The following ARID2 variants were observed in gnomAD, a reference collection of about 807,000 sequenced individuals.
The protein encoded by ARID2 is AT-rich interaction domain 2.
In ARID2, 32 loss-of-function variants were observed where a neutral mutation model predicts 184.6. The observed-to-expected ratio is 0.17, with a 90% CI of 0.13 to 0.23. The LOEUF (loss-of-function observed/expected upper bound fraction) is 0.23, where lower values mean the gene tolerates loss of function less well. ARID2 is among the 10% of genes least tolerant of loss of function. The probability of loss-of-function intolerance (pLI) is 1.00; values close to 1 mark genes in which losing one functional copy is unlikely to be tolerated. For missense variants in ARID2, 1,696 were observed against 2,197.6 expected, an observed-to-expected ratio of 0.77 and a Z score of 4.56; for synonymous variants, 836 against 772.6, an observed-to-expected ratio of 1.08 and a Z score of -1.36.
chr12:45,729,995 C>A lies in ARID2; in HGVS notation c.93-49C>A, dbSNP rs563971615. 33 of 1,607,648 alleles carry A rather than the reference C, an allele frequency of 2.1e-5. No individual in the cohort carries two copies. The African/African-American group carries it at 3.6e-4, about 18-fold the overall frequency. On this transcript the variant is annotated intron_variant, in intron 1 of 20. Coordinates refer to ENST00000334344, the MANE Select transcript of ARID2 (RefSeq NM_152641.4). ...GCGAACGGGGCTCTCCCGCCCGGGC[C>A]GGGCACGGGGTCCCGGCTGACAAGT...
At chr12:45,747,385 C>A (rs979184061) in intron 3 of ARID2, among the ~76,000 whole-genome samples, 3 of 151,980 alleles carry the variant, frequency 2.0e-5, no homozygotes, top group Admixed American at 6.6e-5. Context: ...CCTGTAAGTA[C>A]CATTGCTAGT....
Position 45,821,411 on chromosome 12 carries a change from G to T in ARID2, c.638-9G>T. The T allele has an allele frequency of 6.7e-7, 1 of 1,484,718 alleles. No homozygotes were observed. The allele number at this position is 1,484,718 out of a possible 1,614,324, so 92.0% of individuals were successfully genotyped here. A position where few individuals can be genotyped will look rare whatever the true frequency, so the allele number is the denominator to read the frequency against. On this transcript the variant is annotated splice_polypyrimidine_tract_variant and intron_variant, in intron 5 of 20. Transcript: ENST00000334344. ...TATTGAATGTACTATTTATTTATTTGTTTTTTAGCTTTAGGATCCTTTTCC... is the reference window on the plus strand; with the variant it reads ...TATTGAATGTACTATTTATTTATTTTTTTTTTAGCTTTAGGATCCTTTTCC...
rs141249574 is a variant in ARID2, at chr12:45,879,986, AGT to A, written c.4923-11791_4923-11790del. On this transcript the variant is annotated intron_variant, in intron 16 of 20. Transcript: ENST00000334344. ...TTAGGACTTTATTTTTCTAGGCTAC[AGT>A]GTTCTTTGAATAAGTGGTGTCAGGC... is the stretch of plus-strand genomic sequence containing the variant. 1.2e-3 allele frequency among the ~76,000 whole-genome samples: 180 copies of A among 152,276 alleles called. 2 individuals carry two copies. The East Asian group carries it at 0.029, about 25-fold the overall frequency.
chr12:45,841,902 T>TA (rs1482950333), intron 11 of ARID2: 2 of 152,182 alleles, frequency 1.3e-5, no homozygotes, highest in Non-Finnish European at 2.9e-5. Context: ...ACTTTTTAGT[T>TA]ACAAAATAGA....
chr12:45,903,061 T>A (rs1182723497), intron 20 of ARID2, among the ~76,000 whole-genome samples: 1 of 152,180 alleles, frequency 6.6e-6, no homozygotes, highest in Non-Finnish European at 1.5e-5. Context: ...TACTCCATCC[T>A]CCTCTCTATA....
chr12:45,894,782 T>G (rs1944348110), intron 20 of ARID2, among the ~76,000 whole-genome samples: 1 of 151,692 alleles, frequency 6.6e-6, no homozygotes, highest in Admixed American at 6.6e-5. Context: ...AATACCAGTA[T>G]CTTCATGATT....
At chr12:45,830,856 G>A (rs1019111701) in intron 6 of ARID2, among the ~76,000 whole-genome samples, 2 of 152,008 alleles carry the variant, frequency 1.3e-5, no homozygotes, top group African/African-American at 4.8e-5. Flanking sequence ...AGGAGTTTGA[G>A]ACCAGCCTGG....
At chr12:45,782,577 A>G (rs893952847) in intron 3 of ARID2, among the ~76,000 whole-genome samples, 1 of 152,292 alleles carries the variant, frequency 6.6e-6, no homozygotes, top group East Asian at 1.9e-4. Flanking sequence ...GGTTGCAGTG[A>G]GCCGAGATCG....
intron 3 of ARID2, among the ~76,000 whole-genome samples, chr12:45,732,634 T>C (rs573955998): frequency 6.6e-6 from 1 of 152,306 alleles, no homozygotes; most frequent in South Asian, 2.1e-4. Flanking sequence ...ATTCATTTGC[T>C]CATTTCTATT....
At chr12:45,887,888 T>A (rs1944221826) in intron 16 of ARID2, among the ~76,000 whole-genome samples, 1 of 152,246 alleles carries the variant, frequency 6.6e-6, no homozygotes, top group Non-Finnish European at 1.5e-5. Flanking sequence ...GTAGCTACAT[T>A]TGGCTGAGAT....
chr12:45,748,338 C>G (rs1941397187), intron 3 of ARID2, among the ~76,000 whole-genome samples: 2 of 152,100 alleles, frequency 1.3e-5, no homozygotes, highest in Admixed American at 6.5e-5. Flanking sequence ...CTGCAGTGAG[C>G]CATGATTGTG....
chr12:45,898,873 C>T (rs1385913326), intron 20 of ARID2, among the ~76,000 whole-genome samples: 1 of 151,956 alleles, frequency 6.6e-6, no homozygotes, highest in African/African-American at 2.4e-5. Context: ...GAGATCATGC[C>T]ACTGTACTCC....
chr12:45,758,962 C>T (rs1941622259), intron 3 of ARID2, among the ~76,000 whole-genome samples: 1 of 152,032 alleles, frequency 6.6e-6, no homozygotes, highest in Admixed American at 6.6e-5. Context: ...AAAGTCATAT[C>T]AGATATGTCC....
At chr12:45,752,104 G>A (rs1004934666) in intron 3 of ARID2, among the ~76,000 whole-genome samples, 2 of 152,138 alleles carry the variant, frequency 1.3e-5, no homozygotes, top group Non-Finnish European at 2.9e-5. Flanking sequence ...ATTTTCTTCT[G>A]TTATCAAAGT....
At chr12:45,816,610 A>C (rs1419515003) in intron 4 of ARID2, among the ~76,000 whole-genome samples, 1 of 152,212 alleles carries the variant, frequency 6.6e-6, no homozygotes. Context: ...ATGTCCCGAC[A>C]AAATCCTGTC....
chr12:45,822,673 G>A (rs1942920908), intron 6 of ARID2, among the ~76,000 whole-genome samples: 1 of 151,998 alleles, frequency 6.6e-6, no homozygotes, highest in Non-Finnish European at 1.5e-5. Flanking sequence ...AAAATCAGTT[G>A]TAAAAATTTT....
chr12:45,902,774 ACCTC>A (rs1217180186), intron 20 of ARID2, among the ~76,000 whole-genome samples: 1 of 151,852 alleles, frequency 6.6e-6, no homozygotes, highest in East Asian at 1.9e-4. Context: ...CGAACTCCTG[ACCTC>A]GTGATCCGCC....
At chr12:45,892,567 T>G (rs542206035) in intron 18 of ARID2, among the ~76,000 whole-genome samples, 1 of 152,282 alleles carries the variant, frequency 6.6e-6, no homozygotes, top group South Asian at 2.1e-4. Context: ...ATATTCAGAA[T>G]TAGCTTAAAA....
At chr12:45,828,595 C>T (rs539867331) in intron 6 of ARID2, among the ~76,000 whole-genome samples, 6 of 152,104 alleles carry the variant, frequency 3.9e-5, no homozygotes, top group South Asian at 4.1e-4. Context: ...AGTAGTATGT[C>T]GGTTCCAGTT....
Sources: allele counts gnomAD v4.1 joint callset (sites outside exome capture counted in the v4.1 genomes callset), GRCh38; gene constraint gnomAD v4.1.1; transcripts MANE v1.5; gene names NCBI Gene and HGNC (gene_info 2026-07-23, HGNC 2026-07-21).